Variants in ADAM10 observed in about 807,000 individuals in gnomAD.
ADAM10 encodes disintegrin and metalloproteinase domain-containing protein 10.
A neutral mutation model predicts 90.1 loss-of-function variants in ADAM10; 17 were observed. The observed-to-expected ratio is 0.19, with a 90% confidence interval of 0.13 to 0.28. The LOEUF (loss-of-function observed/expected upper bound fraction) is 0.28. Among genes scored for constraint, ADAM10 ranks in the 10% least tolerant of loss-of-function variants. The probability of loss-of-function intolerance (pLI) is 1.00; values close to 1 mark genes in which losing one functional copy is unlikely to be tolerated. For synonymous variants in ADAM10, 310 were observed against 298.6 expected, an observed-to-expected ratio of 1.04 and a Z score of -0.40; for missense variants, 610 against 914.3, an observed-to-expected ratio of 0.67 and a Z score of 4.29.
chr15:58,617,187 T>C lies in ADAM10; in HGVS notation c.1511+4284A>G, dbSNP rs568623275. Among the ~76,000 whole-genome samples, 3 of 151,928 alleles carry C rather than the reference T, an allele frequency of 2.0e-5. No individual in the cohort carries two copies. In the South Asian group the frequency reaches 6.2e-4, roughly 32 times the overall value. On this transcript the variant is annotated intron_variant, in intron 11 of 15. Coordinates refer to ENST00000260408, the MANE Select transcript of ADAM10 (RefSeq NM_001110.4). ...TTGGTTTCTTGGAAAGATAAAATCA[T>C]CAATCCATTAACTAGACAAGGAAAA...
At chr15:58,629,669 T>A (rs1896045570) in intron 9 of ADAM10, among the ~76,000 whole-genome samples, 1 of 152,202 alleles carries the variant, frequency 6.6e-6, no homozygotes, top group Admixed American at 6.5e-5. Flanking sequence ...TCAATCATAA[T>A]CTACCATGCA....
intron 1 of ADAM10, among the ~76,000 whole-genome samples, chr15:58,730,876 C>G (rs1373152231): frequency 6.6e-6 from 1 of 152,208 alleles, no homozygotes; most frequent in African/African-American, 2.4e-5. Flanking sequence ...CATCAGGACT[C>G]CAGCCTCTGC....
chr15:58,699,540 C>T (rs1435369474), intron 2 of ADAM10, among the ~76,000 whole-genome samples: 1 of 148,488 alleles, frequency 6.7e-6, no homozygotes, highest in Non-Finnish European at 1.5e-5. Flanking sequence ...AGGCAGGTCA[C>T]TTGAGGCCAG....
intron 14 of ADAM10, among the ~76,000 whole-genome samples, chr15:58,601,191 G>A (rs8032008): frequency 0.035 from 5,251 of 149,332 alleles, 108 homozygotes; most frequent in African/African-American, 0.069. Flanking sequence ...GGCCGGGCAC[G>A]GTGGCTCCCA....
At chr15:58,704,484 G>A (rs1380148681) in intron 2 of ADAM10, among the ~76,000 whole-genome samples, 1 of 152,130 alleles carries the variant, frequency 6.6e-6, no homozygotes, top group Non-Finnish European at 1.5e-5. Flanking sequence ...ATACAGAGAG[G>A]AAACCACAGG....
At chr15:58,655,352 C>G (rs1264369829) in intron 5 of ADAM10, 1 of 154,070 alleles carries the variant, frequency 6.5e-6, no homozygotes, top group Non-Finnish European at 1.5e-5. Flanking sequence ...AGCTTATAAG[C>G]ATGGGCAGAA....
Position 58,628,233 on chromosome 15 carries a change from C to T in ADAM10, c.1177-350G>A, listed in dbSNP as rs556911130. On this transcript the variant is annotated intron_variant, in intron 9 of 15. Coordinates refer to ENST00000260408, the MANE Select transcript of ADAM10 (RefSeq NM_001110.4). ...AACTACTTTAAAACTACTAAATAGTCTCTAACACATATGTTAAATTACATG... is the reference window on the plus strand; with the variant it reads ...AACTACTTTAAAACTACTAAATAGTTTCTAACACATATGTTAAATTACATG... Among the ~76,000 whole-genome samples the T allele has an allele frequency of 9.9e-5, 15 of 152,234 alleles. No homozygotes were observed. In the East Asian group the frequency reaches 2.9e-3, roughly 29 times the overall value.
chr15:58,739,084 A>G (rs553137703), intron 1 of ADAM10, among the ~76,000 whole-genome samples: 144 of 152,316 alleles, frequency 9.5e-4, no homozygotes, highest in Non-Finnish European at 1.8e-3. Flanking sequence ...AGCTTGCTCT[A>G]CATTAAAGAA....
chr15:58,634,273 GC>G (rs1163345236), intron 8 of ADAM10, among the ~76,000 whole-genome samples: 13 of 150,768 alleles, frequency 8.6e-5, no homozygotes, highest in African/African-American at 2.7e-4. Flanking sequence ...CTGCACTCCA[GC>G]CTGGGCGACA....
chr15:58,656,834 T>C (rs895031106), intron 5 of ADAM10, among the ~76,000 whole-genome samples: 13 of 152,216 alleles, frequency 8.5e-5, no homozygotes, highest in African/African-American at 3.1e-4. Flanking sequence ...CATCCTTTTC[T>C]TTCTGACTGA....
chr15:58,696,954 C>T (rs1226895128), intron 2 of ADAM10, among the ~76,000 whole-genome samples: 1 of 152,172 alleles, frequency 6.6e-6, no homozygotes, highest in East Asian at 1.9e-4. Flanking sequence ...CCCGGCATCT[C>T]CATATCCCTG....
intron 2 of ADAM10, chr15:58,698,462 A>G (rs1898039996): frequency 1.1e-5 from 3 of 282,860 alleles, no homozygotes; most frequent in Admixed American, 5.1e-5. Flanking sequence ...TGTAGTCCCA[A>G]CTACTCAGGT....
intron 2 of ADAM10, among the ~76,000 whole-genome samples, chr15:58,698,570 T>C (rs1239362242): frequency 8.9e-6 from 1 of 112,426 alleles, no homozygotes; most frequent in Non-Finnish European, 1.9e-5. Flanking sequence ...AGTGAGACCT[T>C]GTCTCAAAAA....
At chr15:58,721,077 A>G (rs1172886945) in intron 1 of ADAM10, among the ~76,000 whole-genome samples, 1 of 152,260 alleles carries the variant, frequency 6.6e-6, no homozygotes, top group Non-Finnish European at 1.5e-5. Flanking sequence ...TTGATAACTT[A>G]AAACAATAAC....
At chr15:58,692,858 T>A (rs780098222) in intron 2 of ADAM10, 1 of 669,116 alleles carries the variant, frequency 1.5e-6, no homozygotes, top group Non-Finnish European at 2.9e-6. Flanking sequence ...AAAGCCTCCA[T>A]AAATGCTTCA....
intron 10 of ADAM10, among the ~76,000 whole-genome samples, chr15:58,625,351 TG>T (rs1566971526): frequency 1.3e-5 from 2 of 151,988 alleles, no homozygotes; most frequent in African/African-American, 4.8e-5. Context: ...CCAAAAAACA[TG>T]GACAGACATT....
intron 10 of ADAM10, among the ~76,000 whole-genome samples, chr15:58,625,789 A>C (rs766343079): frequency 8.5e-5 from 13 of 152,248 alleles, no homozygotes; most frequent in Non-Finnish European, 1.9e-4. Context: ...AACAAATTGC[A>C]GTACATACAT....
At chr15:58,746,350 G>GTGT (rs1419523456) in intron 1 of ADAM10, among the ~76,000 whole-genome samples, 10 of 152,216 alleles carry the variant, frequency 6.6e-5, no homozygotes, top group African/African-American at 1.9e-4. Context: ...ACACATCCTT[G>GTGT]AAGATCTTAA....
chr15:58,608,526 C>T (rs146774225), intron 14 of ADAM10, among the ~76,000 whole-genome samples: 2,583 of 152,222 alleles, frequency 0.017, 28 homozygotes, highest in Non-Finnish European at 0.026. Flanking sequence ...TATGAGCATG[C>T]TATTCGAAAG....
Sources: gnomAD v4.1 joint callset for allele counts (sites outside exome capture counted in the v4.1 genomes callset) on GRCh38, gnomAD v4.1.1 for gene constraint, MANE v1.5 for transcripts, NCBI Gene and HGNC (gene_info 2026-07-23, HGNC 2026-07-21) for gene names.